The following SLC6A3 variants were observed in gnomAD, a reference collection of about 807,000 sequenced individuals.
SLC6A3 encodes the protein sodium-dependent dopamine transporter.
SLC6A3 carries 19 observed loss-of-function variants against 70.4 expected under a neutral mutation model. The observed-to-expected ratio is 0.27, with a 90% CI of 0.19 to 0.40. SLC6A3 has a LOEUF of 0.40. SLC6A3 is among the 10% of genes least tolerant of loss of function. SLC6A3 has a pLI of 1.00. For missense variants in SLC6A3, 613 were observed against 838.5 expected (o/e 0.73, Z 3.32); for synonymous variants, 368 against 356.6 (o/e 1.03, Z -0.36).
intron 3 of SLC6A3, among the ~76,000 whole-genome samples, chr5:1,440,292 G>A (rs140672505): frequency 6.6e-6 from 1 of 152,266 alleles, no homozygotes; most frequent in Non-Finnish European, 1.5e-5. Context: ...TGAATGAATG[G>A]ATGGATGGAT....
Position 1,410,749 on chromosome 5 carries a change from C to T in SLC6A3, c.1269+494G>A, listed in dbSNP as rs138446836. Among the ~76,000 whole-genome samples, 9 of 152,230 alleles carry T rather than the reference C, an allele frequency of 5.9e-5. No individual in the cohort carries two copies. The South Asian group carries it at 1.0e-3, about 18-fold the overall frequency. Reference sequence around the variant, plus strand: ...TCCAAGGCCCCACCACTCTGGTGTCCGGAGCCAAGTCTTTGGTGGCTGGGG... The same window carrying T: ...TCCAAGGCCCCACCACTCTGGTGTCTGGAGCCAAGTCTTTGGTGGCTGGGG... On this transcript the variant is annotated intron_variant, in intron 9 of 14. Coordinates refer to ENST00000270349, the MANE Select transcript of SLC6A3 (RefSeq NM_001044.5).
At position 1,394,587 on chromosome 5, in the gene SLC6A3, G is replaced by T; in HGVS notation, c.*148C>A. On this transcript the variant is annotated 3_prime_UTR_variant, in exon 15 of 15. Transcript: ENST00000270349. This position sits in a 1 kb window ranked among gnomAD's most constrained non-coding sequence, Gnocchi z 4.7. ...CGGAAAGGTGTAAACAGTCAGAAGA[G>T]AGGAGTCTTCTGCTTTGTTGTTTGT... The T allele has an allele frequency of 1.2e-6, 1 of 816,480 alleles. No homozygotes were observed. The highest frequency in any genetic ancestry group is 2.2e-6 in the Non-Finnish European group (1 of 463,320). The allele number at this position is 816,480 out of a possible 1,614,324, so 50.6% of individuals were successfully genotyped here. A position where few individuals can be genotyped will look rare whatever the true frequency, so the allele number is the denominator to read the frequency against.
Position 1,406,179 on chromosome 5 carries a change from G to T in SLC6A3, c.1599+9C>A, listed in dbSNP as rs761419394. The T allele has an allele frequency of 3.7e-6, 6 of 1,603,876 alleles. No individual in the cohort carries two copies. Among genetic ancestry groups the T allele is most frequent in the East Asian group, 2.2e-5 (1 of 44,826 alleles). On this transcript the variant is annotated intron_variant, in intron 12 of 14. Coordinates refer to ENST00000270349, the MANE Select transcript of SLC6A3 (RefSeq NM_001044.5). The surrounding 1 kb of genome is among the most constrained non-coding windows in gnomAD (Gnocchi z 8.8). ...ACGGGGGAAGGGCAGGTGGCCCGAGGTCCCTTACCAGGAGAAAGCAGGGGC... is the reference window on the plus strand; with the variant it reads ...ACGGGGGAAGGGCAGGTGGCCCGAGTTCCCTTACCAGGAGAAAGCAGGGGC...
At position 1,414,484 on chromosome 5, in the gene SLC6A3, T is replaced by G. The variant is rs183125; in HGVS notation, c.1156+207A>C. Among the ~76,000 whole-genome samples the G allele has an allele frequency of 0.65, 13,885 of 21,210 alleles. 4,410 individuals are homozygous for G. The highest frequency in any genetic ancestry group is 0.7 in the Middle Eastern group (28 of 40). The allele number at this position is 21,210 out of a possible 152,430, so 13.9% of individuals were successfully genotyped here. On this transcript the variant is annotated intron_variant, in intron 8 of 14. Coordinates refer to ENST00000270349, the MANE Select transcript of SLC6A3 (RefSeq NM_001044.5). The stretch of plus-strand genomic sequence containing the variant: ...CGGGGAAGGCGCTGGGTGGGGGGCC[T>G]GGAGGGTCAGGGCGGGGAAGGCGCT...
At chr5:1,439,513 C>T (rs1407604421) in intron 3 of SLC6A3, among the ~76,000 whole-genome samples, 2 of 152,332 alleles carry the variant, frequency 1.3e-5, no homozygotes, top group East Asian at 3.9e-4. Context: ...TCCACGGCTG[C>T]GAGACTGACT....
At chr5:1,418,390 T>C (rs537914086) in intron 6 of SLC6A3, among the ~76,000 whole-genome samples, 1 of 152,252 alleles carries the variant, frequency 6.6e-6, no homozygotes, top group South Asian at 2.1e-4. Flanking sequence ...TCATCTATTA[T>C]CTATCAATCA....
At position 1,402,870 on chromosome 5, in the gene SLC6A3, G is replaced by A; in HGVS notation, c.1767+52C>T. On this transcript the variant is annotated intron_variant, in intron 13 of 14. Coordinates refer to ENST00000270349, the MANE Select transcript of SLC6A3 (RefSeq NM_001044.5). The surrounding 1 kb of genome is among the most constrained non-coding windows in gnomAD (Gnocchi z 8.5). ...GACTGGGGCCATGGACACCCACGGA[G>A]CCTTTCTGGTGGCCTCACACTCGGG... is the stretch of plus-strand genomic sequence containing the variant. 6.3e-7 allele frequency: 1 copy of A among 1,585,280 alleles called. No individual in the cohort carries two copies. The highest frequency in any genetic ancestry group is 8.6e-7 in the Non-Finnish European group (1 of 1,159,924).
chr5:1,412,245 G>T (rs1347913412), intron 8 of SLC6A3, among the ~76,000 whole-genome samples: 1 of 152,236 alleles, frequency 6.6e-6, no homozygotes, highest in Non-Finnish European at 1.5e-5. Context: ...GCTTGGTAGA[G>T]GAGTGTGTGG....
chr5:1,431,705 G>A (rs1006862289), intron 4 of SLC6A3, among the ~76,000 whole-genome samples: 14 of 151,948 alleles, frequency 9.2e-5, no homozygotes, highest in Non-Finnish European at 1.6e-4. Context: ...CCTGGCTGGG[G>A]TGGACAGTGA....
chr5:1,395,257 T>A (rs1183638640), intron 14 of SLC6A3, among the ~76,000 whole-genome samples: 2 of 152,200 alleles, frequency 1.3e-5, no homozygotes, highest in African/African-American at 4.8e-5. Flanking sequence ...AAGTGCAGCG[T>A]GTACTGACTG....
rs1487745125 is a variant in SLC6A3, at chr5:1,409,079, G to T, written c.1445C>A (p.Thr482Lys). The T allele has an allele frequency of 6.2e-7, 1 of 1,613,030 alleles. No individual in the cohort carries two copies. Among genetic ancestry groups the T allele is most frequent in the Non-Finnish European group, 8.5e-7 (1 of 1,179,842 alleles). Residue 482 changes from threonine to lysine, a missense_variant, in exon 11 of 15, where the codon ACG becomes AAG. Coordinates refer to ENST00000270349, the MANE Select transcript of SLC6A3 (RefSeq NM_001044.5). ...GATGAGCACTCCAAAGAGGATGGACGTGCCGGCTGCAAAATGGTCCAGGAG... is the reference window on the plus strand; with the variant it reads ...GATGAGCACTCCAAAGAGGATGGACTTGCCGGCTGCAAAATGGTCCAGGAG... Reference protein sequence around the residue: ...FTLLDHFAAGTSILFGVLIEA... With the variant: ...FTLLDHFAAGKSILFGVLIEA...
intron 3 of SLC6A3, among the ~76,000 whole-genome samples, chr5:1,440,353 T>C (rs1303544045): frequency 6.6e-6 from 1 of 151,952 alleles, no homozygotes; most frequent in South Asian, 2.1e-4. Flanking sequence ...AATGGATGGA[T>C]GGATGGATGG....
chr5:1,444,946 G>A (rs1329566910), intron 1 of SLC6A3, among the ~76,000 whole-genome samples: 10 of 152,140 alleles, frequency 6.6e-5, no homozygotes, highest in Non-Finnish European at 1.5e-4. Flanking sequence ...GCGAGATGGA[G>A]CGGCGGTGTA....
At chr5:1,427,897 A>G (rs1403466785) in intron 4 of SLC6A3, among the ~76,000 whole-genome samples, 2 of 152,220 alleles carry the variant, frequency 1.3e-5, no homozygotes, top group South Asian at 2.1e-4. Flanking sequence ...CTACAGTTAC[A>G]GTTGAGATTT....
At chr5:1,433,224 C>T (rs775871187) in intron 3 of SLC6A3, among the ~76,000 whole-genome samples, 4 of 152,138 alleles carry the variant, frequency 2.6e-5, no homozygotes, top group Non-Finnish European at 5.9e-5. Context: ...GAATCATCCA[C>T]GGCCACCCAG....
At position 1,405,588 on chromosome 5, in the gene SLC6A3, G is replaced by A. The variant is rs1244205261; in HGVS notation, c.1599+600C>T. Among the ~76,000 whole-genome samples, 1 of 152,214 alleles carries A rather than the reference G, an allele frequency of 6.6e-6. No homozygotes were observed. The highest frequency in any genetic ancestry group is 1.9e-4 in the East Asian group (1 of 5,186). On this transcript the variant is annotated intron_variant, in intron 12 of 14. Coordinates refer to ENST00000270349, the MANE Select transcript of SLC6A3 (RefSeq NM_001044.5). This position sits in a 1 kb window ranked among gnomAD's most constrained non-coding sequence, Gnocchi z 5.3. ...TCCAGGCCTCTGTGGTTCAGTGGGGGAAGCACTGCAGGCAATCCCTAATGA... is the reference window on the plus strand; with the variant it reads ...TCCAGGCCTCTGTGGTTCAGTGGGGAAAGCACTGCAGGCAATCCCTAATGA...
At position 1,395,584 on chromosome 5, in the gene SLC6A3, G is replaced by A. The variant is rs4975638; in HGVS notation, c.1840-826C>T. On this transcript the variant is annotated intron_variant, in intron 14 of 14. Transcript: ENST00000270349. ...TCACACTGCAGGCCAGGGGTCTACC[G>A]GGGGCCTGGAGCAGCCACAGCTGAT... Among the ~76,000 whole-genome samples the A allele has an allele frequency of 1.8e-3, 269 of 152,240 alleles. 1 individual carries two copies. The highest frequency in any genetic ancestry group is 5.0e-3 in the Admixed American group (76 of 15,300).
chr5:1,422,872 T>C lies in SLC6A3; in HGVS notation c.654-858A>G, dbSNP rs573988838. Reference sequence around the variant, plus strand: ...CACTGCTGCCCAGTGCTGCCCATGGTGCTGGGTGCCCACCGCTGCCCACAG... The same window carrying C: ...CACTGCTGCCCAGTGCTGCCCATGGCGCTGGGTGCCCACCGCTGCCCACAG... On this transcript the variant is annotated intron_variant, in intron 4 of 14. Transcript: ENST00000270349. Among the ~76,000 whole-genome samples, 36 of 74,238 alleles carry C rather than the reference T, an allele frequency of 4.8e-4. 5 individuals carry two copies. The highest frequency in any genetic ancestry group is 1.5e-3 in the South Asian group (2 of 1,326). 48.7% of individuals were successfully genotyped at this position (74,238 alleles called of 152,430 possible).
intron 9 of SLC6A3, among the ~76,000 whole-genome samples, chr5:1,410,414 G>C (rs931237067): frequency 6.6e-6 from 1 of 152,152 alleles, no homozygotes; most frequent in African/African-American, 2.4e-5. Context: ...AGCCGTGGAC[G>C]AGGTGGATAG....
Sources: gnomAD v4.1 joint callset for allele counts (sites outside exome capture counted in the v4.1 genomes callset) on GRCh38, gnomAD v4.1.1 for gene constraint, Gnocchi (gnomAD v3.1) non-coding constraint, MANE v1.5 for transcripts, NCBI Gene and HGNC (gene_info 2026-07-23, HGNC 2026-07-21) for gene names.